Variants in VPS53 observed in about 807,000 individuals in gnomAD.
The protein encoded by VPS53 is vacuolar protein sorting-associated protein 53 homolog.
VPS53 carries 70 observed loss-of-function variants against 107.0 expected under a neutral mutation model. That is an observed-to-expected ratio of 0.65 (90% CI 0.54 to 0.80). The LOEUF is 0.80. Ranked by LOEUF, VPS53 falls within the 30% of genes least tolerant of loss-of-function variation. VPS53 has a pLI of 0.00. For synonymous variants in VPS53, 409 were observed against 393.3 expected (o/e 1.04, Z -0.47); for missense variants, 917 against 1,049.4 (o/e 0.87, Z 1.74).
intron 4 of VPS53, among the ~76,000 whole-genome samples, chr17:696,254 G>A (rs936782540): frequency 9.2e-5 from 14 of 152,254 alleles, no homozygotes; most frequent in African/African-American, 3.4e-4. Flanking sequence ...ATATAAAGTA[G>A]TAAAAATAGA....
chr17:537,243 A>AG (rs1910160010), intron 17 of VPS53, 67 bp from the exon 18 acceptor site: 49 of 1,564,062 alleles, frequency 3.1e-5, no homozygotes, highest in South Asian at 2.6e-4. Context: ...TTACTGGGGA[A>AG]GGGAGGGGCT....
At chr17:685,516 GA>G (rs1170599436) in intron 4 of VPS53, among the ~76,000 whole-genome samples, 1 of 152,156 alleles carries the variant, frequency 6.6e-6, no homozygotes, top group Non-Finnish European at 1.5e-5. Flanking sequence ...GGTGTTAGAT[GA>G]TTTGCCTGAC....
intron 20 of VPS53, among the ~76,000 whole-genome samples, chr17:521,166 C>A (rs890693737): frequency 2.0e-5 from 3 of 152,148 alleles, no homozygotes; most frequent in African/African-American, 7.2e-5. Flanking sequence ...TTAAAATATC[C>A]ATTTGCTGAT....
chr17:693,461 C>T (rs1382908086), intron 4 of VPS53, among the ~76,000 whole-genome samples: 1 of 152,126 alleles, frequency 6.6e-6, no homozygotes, highest in Non-Finnish European at 1.5e-5. Context: ...GTGTCTCATG[C>T]CTATAATCTC....
chr17:552,007 C>T (rs1911863125), intron 16 of VPS53, 57 bp from the exon 17 acceptor site: 5 of 1,464,748 alleles, frequency 3.4e-6, no homozygotes, highest in Non-Finnish European at 4.6e-6. Flanking sequence ...GTCTGAATGA[C>T]TGACACTCAG....
intron 6 of VPS53, among the ~76,000 whole-genome samples, chr17:655,107 C>A (rs1325988833): frequency 6.6e-6 from 1 of 152,192 alleles, no homozygotes; most frequent in Non-Finnish European, 1.5e-5. Flanking sequence ...GATGCGCTTT[C>A]CCTGTCCACA....
chr17:570,005 G>C (rs1913890680), intron 13 of VPS53, among the ~76,000 whole-genome samples: 2 of 151,950 alleles, frequency 1.3e-5, no homozygotes, highest in South Asian at 4.2e-4. Context: ...AAGTTTCAAG[G>C]TTTCTCCCAA....
In VPS53 at chr17:658,284, C is replaced by A. The variant is rs1479825493; in HGVS notation, c.373-2331G>T. 1.4e-4 allele frequency among the ~76,000 whole-genome samples: 15 copies of A among 103,488 alleles called. 1 individual carries two copies. Among genetic ancestry groups the A allele is most frequent in the African/African-American group, 4.0e-4 (12 of 30,148 alleles). The allele number at this position is 103,488 out of a possible 152,430, so 67.9% of individuals were successfully genotyped here. A position where few individuals can be genotyped will look rare whatever the true frequency, so the allele number is the denominator to read the frequency against. On this transcript the variant is annotated intron_variant, in intron 5 of 21. Coordinates refer to ENST00000437048, the MANE Select transcript of VPS53 (RefSeq NM_001128159.3). ...ATCCCACTAAAGTGAGAAACTCGGC[C>A]GTGAGTTCGTGGATAGATACATCCC...
Position 518,496 on chromosome 17 carries a change from G to A in VPS53, c.*632C>T, listed in dbSNP as rs1212060787. ...TGGGCAGAAAGGGGTTTGAGAGTAT[G>A]GACTTCCTGGGCGTTCCCATGGCTT... On this transcript the variant is annotated 3_prime_UTR_variant, in exon 22 of 22. Transcript: ENST00000437048. 3 of 152,174 alleles carry A rather than the reference G, an allele frequency of 2.0e-5. No homozygotes were observed. The highest frequency in any genetic ancestry group is 2.0e-4 in the Admixed American group (3 of 15,268). 9.4% of individuals were successfully genotyped at this position (152,174 alleles called of 1,614,324 possible).
chr17:690,569 T>G (rs921088247), intron 4 of VPS53, among the ~76,000 whole-genome samples: 2 of 152,250 alleles, frequency 1.3e-5, no homozygotes, highest in African/African-American at 2.4e-5. Flanking sequence ...CACACCAGCC[T>G]GCTTACGCCG....
In VPS53 at chr17:517,387, G is replaced by A. The variant is rs967877337; in HGVS notation, c.*1741C>T. The A allele has an allele frequency of 2.5e-5, 10 of 400,048 alleles. No individual in the cohort carries two copies. The highest frequency in any genetic ancestry group is 1.0e-4 in the African/African-American group (5 of 48,842). The allele number at this position is 400,048 out of a possible 1,614,324, so 24.8% of individuals were successfully genotyped here. A position where few individuals can be genotyped will look rare whatever the true frequency, so the allele number is the denominator to read the frequency against. On this transcript the variant is annotated 3_prime_UTR_variant, in exon 22 of 22. Coordinates refer to ENST00000437048, the MANE Select transcript of VPS53 (RefSeq NM_001128159.3). ...ATCGGGGAGAAAGCCTGGCAGAGAG[G>A]GCAGGGGCACAGAGCAGTGGTTATG... is the stretch of plus-strand genomic sequence containing the variant.
At chr17:648,031 G>A (rs1228281808) in intron 7 of VPS53, among the ~76,000 whole-genome samples, 1 of 152,184 alleles carries the variant, frequency 6.6e-6, no homozygotes, top group Non-Finnish European at 1.5e-5. Context: ...GAGAACTTCA[G>A]CAGTAGCCAG....
intron 11 of VPS53, among the ~76,000 whole-genome samples, chr17:615,525 C>T (rs935969452): frequency 1.3e-5 from 2 of 152,134 alleles, no homozygotes; most frequent in East Asian, 1.9e-4. Context: ...GTGGGGATGA[C>T]GTACAGCCTA....
At position 524,396 on chromosome 17, in the gene VPS53, A is replaced by C. The variant is rs1446760453; in HGVS notation, c.2086-2658T>G. On this transcript the variant is annotated intron_variant, in intron 19 of 21. Transcript: ENST00000437048. The surrounding 1 kb of genome is among the most constrained non-coding windows in gnomAD (Gnocchi z 4.5). ...CAGAAAGAATGAACCACCTACCCTA[A>C]AATGAAAGGCATCTATATCAGAAGA... is the stretch of plus-strand genomic sequence containing the variant. Among the ~76,000 whole-genome samples the C allele has an allele frequency of 6.6e-6, 1 of 152,262 alleles. No homozygotes were observed.
At chr17:606,870 C>CA (rs1344432790) in intron 11 of VPS53, among the ~76,000 whole-genome samples, 1 of 147,162 alleles carries the variant, frequency 6.8e-6, no homozygotes, top group Non-Finnish European at 1.5e-5. Flanking sequence ...CCTGCACTCC[C>CA]ACCCCCACCC....
At chr17:611,627 A>C (rs540111168) in intron 11 of VPS53, among the ~76,000 whole-genome samples, 1 of 152,286 alleles carries the variant, frequency 6.6e-6, no homozygotes, top group Non-Finnish European at 1.5e-5. Flanking sequence ...GAAAACCTGT[A>C]CAAATATTCA....
chr17:536,561 C>T (rs1567605428), intron 18 of VPS53: 2 of 160,328 alleles, frequency 1.2e-5, no homozygotes, highest in Non-Finnish European at 2.7e-5. Flanking sequence ...GTTACTGTTG[C>T]CTATGACTTT....
intron 4 of VPS53, among the ~76,000 whole-genome samples, chr17:665,392 T>C (rs1211179246): frequency 6.6e-6 from 1 of 152,204 alleles, no homozygotes; most frequent in African/African-American, 2.4e-5. Flanking sequence ...CTTCCCAGCC[T>C]CCAGAATTAT....
chr17:650,839 T>C lies in VPS53; in HGVS notation c.608+2452A>G, dbSNP rs536790000. Among the ~76,000 whole-genome samples the C allele has an allele frequency of 6.6e-5, 10 of 152,342 alleles. 1 individual carries two copies. Among genetic ancestry groups the C allele is most frequent in the African/African-American group, 2.4e-4 (10 of 41,568 alleles). On this transcript the variant is annotated intron_variant, in intron 7 of 21. Transcript: ENST00000437048. Reference sequence around the variant, plus strand: ...AAATGGTGAAATAATCTGTGGTATGTCACGCTATGGGGTTCTGTGCATCAA... The same window carrying C: ...AAATGGTGAAATAATCTGTGGTATGCCACGCTATGGGGTTCTGTGCATCAA...
Sources: gnomAD v4.1 joint callset for allele counts (sites outside exome capture counted in the v4.1 genomes callset) on GRCh38, gnomAD v4.1.1 for gene constraint, Gnocchi (gnomAD v3.1) non-coding constraint, MANE v1.5 for transcripts, NCBI Gene and HGNC (gene_info 2026-07-23, HGNC 2026-07-21) for gene names.